ZNF276: variants seen among roughly 807,000 people sequenced by gnomAD.
ZNF276 encodes zinc finger protein 276.
Under a neutral mutation model 63.9 loss-of-function variants are expected in ZNF276, and 59 were observed. The ratio of observed to expected loss-of-function variants is 0.92; its 90% CI spans 0.75 to 1.15. The LOEUF is 1.15. ZNF276 is among the 50% of genes most tolerant of loss of function. ZNF276 has a pLI of 0.00. For synonymous variants in ZNF276, 496 were observed against 348.4 expected, an observed-to-expected ratio of 1.42 and a Z score of -4.72; for missense variants, 1,084 against 843.8, an observed-to-expected ratio of 1.28 and a Z score of -3.53.
chr16:89,739,604 T>C lies in ZNF276; in HGVS notation c.*1358T>C. ...CAACTCTGGACATCTCTGCCTATTATCAGTGCTGGGGACACCCCTGGGGGT... is the reference window on the plus strand; with the variant it reads ...CAACTCTGGACATCTCTGCCTATTACCAGTGCTGGGGACACCCCTGGGGGT... On this transcript the variant is annotated 3_prime_UTR_variant, in exon 11 of 11. Transcript: ENST00000443381. 1.9e-6 allele frequency: 3 copies of C among 1,540,950 alleles called. No individual in the cohort carries two copies. The highest frequency in any genetic ancestry group is 2.6e-6 in the Non-Finnish European group (3 of 1,138,218).
intron 6 of ZNF276, chr16:89,733,011 C>T (rs1472774043): frequency 1.1e-5 from 3 of 284,902 alleles, no homozygotes; most frequent in South Asian, 3.2e-5. Context: ...TGCGCCCTCG[C>T]CCTCTGCTGT....
chr16:89,735,331 T>C (rs1293248558), intron 9 of ZNF276, among the ~76,000 whole-genome samples: 2 of 152,136 alleles, frequency 1.3e-5, no homozygotes, highest in African/African-American at 2.4e-5. Context: ...TGTATATTGA[T>C]CCTTACACAC....
chr16:89,738,224 C>G lies in ZNF276; in HGVS notation c.1823C>G (p.Ala608Gly). 6.2e-7 allele frequency: 1 copy of G among 1,606,714 alleles called. No individual in the cohort carries two copies. Among genetic ancestry groups the G allele is most frequent in the South Asian group, 1.1e-5 (1 of 90,274 alleles). ...PSPSVTTEGQ[A>G]VKPEPT The stretch of plus-strand genomic sequence containing the variant: ...CCCTCTGTGACCACAGAGGGCCAGG[C>G]GGTGAAGCCCGAACCCACCTGAGGA... The change falls in exon 11 of 11, where the codon GCG (alanine) becomes GGG (glycine). Residue 608 changes from alanine (A) to glycine (G), a missense_variant. Physicochemically the swap from Ala to Gly is moderately conservative, Grantham distance 60. Transcript: ENST00000443381.
At chr16:89,735,160 C>CT (rs2061813881) in intron 9 of ZNF276, among the ~76,000 whole-genome samples, 1 of 151,930 alleles carries the variant, frequency 6.6e-6, no homozygotes, top group African/African-American at 2.4e-5. Context: ...ACCACGTGGA[C>CT]CCACATATCC....
At chr16:89,733,768 A>C (rs1243138653) in intron 8 of ZNF276, among the ~76,000 whole-genome samples, 153 bp from the exon 9 acceptor site, 1 of 152,042 alleles carries the variant, frequency 6.6e-6, no homozygotes, top group Non-Finnish European at 1.5e-5. Context: ...GGGGTCTAGA[A>C]GTTTCTTGGA....
At chr16:89,722,214 C>T (rs1369229522) in intron 1 of ZNF276, among the ~76,000 whole-genome samples, 10 of 152,186 alleles carry the variant, frequency 6.6e-5, no homozygotes, top group Non-Finnish European at 1.5e-5. Flanking sequence ...GAAACCGCGG[C>T]GTTTCCTGGA....
Position 89,739,916 on chromosome 16 carries a change from G to A in ZNF276, c.*1670G>A, listed in dbSNP as rs961309933. On this transcript the variant is annotated 3_prime_UTR_variant, in exon 11 of 11. Transcript: ENST00000443381. ...TACTTAGCAAGGAACCTCAAGGAGG[G>A]CTCGTTCTTAACCATTTGCAAGATG... 13 of 1,595,310 alleles carry A rather than the reference G, an allele frequency of 8.1e-6. 1 individual carries two copies. The Admixed American group carries it at 1.7e-4, about 21-fold the overall frequency.
rs148047906 is a variant in ZNF276, at chr16:89,733,403, G to A, written c.1271G>A (p.Arg424His). ...AAGCCCGGATGGAAGAAGAAGCTTCGTTGTGAGAGGTGATGCCTGCAACGC... is the reference window on the plus strand; with the variant it reads ...AAGCCCGGATGGAAGAAGAAGCTTCATTGTGAGAGGTGATGCCTGCAACGC... ...GPKPGWKKKL[R>H]CEREELPTIY... Residue 424 changes from arginine (R) to histidine (H), a missense_variant, in exon 7 of 11, where the codon CGT becomes CAT. Arg to His is a conservative substitution (Grantham distance 29, BLOSUM62 0). Transcript: ENST00000443381. 43 of 1,614,050 alleles carry A rather than the reference G, an allele frequency of 2.7e-5. No individual in the cohort carries two copies. Among genetic ancestry groups the A allele is most frequent in the African/African-American group, 2.0e-4 (15 of 74,946 alleles).
chr16:89,740,909 T>C lies in ZNF276; in HGVS notation c.*2663T>C. 1 of 1,523,532 alleles carries C rather than the reference T, an allele frequency of 6.6e-7. No individual in the cohort carries two copies. Among genetic ancestry groups the C allele is most frequent in the Non-Finnish European group, 9.0e-7 (1 of 1,110,064 alleles). 94.4% of individuals were successfully genotyped at this position (1,523,532 alleles called of 1,614,324 possible). ...CACTTATTATTACATTAAAATTACC[T>C]GTGCTGTCATTCTAAATAAGGCTGA... On this transcript the variant is annotated 3_prime_UTR_variant, in exon 11 of 11. Coordinates refer to ENST00000443381, the MANE Select transcript of ZNF276 (RefSeq NM_001113525.2).
Position 89,722,659 on chromosome 16 carries a change from G to A in ZNF276, c.334G>A (p.Val112Met), listed in dbSNP as rs979535399. The A allele has an allele frequency of 1.9e-6, 3 of 1,612,282 alleles. No individual in the cohort carries two copies. Among genetic ancestry groups the A allele is most frequent in the Non-Finnish European group, 2.5e-6 (3 of 1,180,020 alleles). Residue 112 changes from valine to methionine, a missense_variant, in exon 2 of 11, where the codon GTG becomes ATG. By Grantham distance (21) the Val-to-Met change is conservative (BLOSUM62 1). Transcript: ENST00000443381. ...GGAGAGGCCATCCGCAGAGGAGCGC[G>A]TGCTCGTACGGGACTTCCAGCGCCT... The part of the protein sequence containing the change: ...SMERPSAEER[V>M]LVRDFQRLLG...
At chr16:89,725,592 C>A (rs1328226973) in intron 4 of ZNF276, among the ~76,000 whole-genome samples, 1 of 151,848 alleles carries the variant, frequency 6.6e-6, no homozygotes, top group Non-Finnish European at 1.5e-5. Context: ...GAGATCGAGA[C>A]CATCCTGACT....
At chr16:89,735,594 G>A (rs1369042730) in intron 9 of ZNF276, among the ~76,000 whole-genome samples, 7 of 152,130 alleles carry the variant, frequency 4.6e-5, no homozygotes, top group African/African-American at 1.4e-4. Context: ...AAATTGGGCC[G>A]GGTGCAGTGG....
chr16:89,726,476 A>C (rs2061474559), intron 4 of ZNF276, among the ~76,000 whole-genome samples: 1 of 152,038 alleles, frequency 6.6e-6, no homozygotes, highest in Non-Finnish European at 1.5e-5. Flanking sequence ...AATTGCAGGC[A>C]TGAGTTACCA....
At chr16:89,724,131 G>C (rs139231287) in intron 4 of ZNF276, among the ~76,000 whole-genome samples, 5 of 152,244 alleles carry the variant, frequency 3.3e-5, no homozygotes, top group African/African-American at 1.2e-4. Flanking sequence ...CCAGCCGCCT[G>C]GTGACACCCT....
intron 9 of ZNF276, among the ~76,000 whole-genome samples, chr16:89,735,066 G>C (rs968473434): frequency 6.6e-6 from 1 of 151,964 alleles, no homozygotes; most frequent in Non-Finnish European, 1.5e-5. Context: ...GGCGGAGGTG[G>C]AGGTTGCAGT....
rs775127852 is a variant in ZNF276 at position 89,737,862 on chromosome 16, C to G, written c.1531C>G (p.Leu511Val). 5 of 1,614,200 alleles carry G rather than the reference C, an allele frequency of 3.1e-6. No homozygotes were observed. Among genetic ancestry groups the G allele is most frequent in the Non-Finnish European group, 4.2e-6 (5 of 1,180,054 alleles). ...ACAAACCTTCAAGCAGCGGAAGCAC[C>G]TTCTCGTCCACCAAATGCGACATTC... ...CGQTFKQRKH[L>V]LVHQMRHSGA... is the part of the protein sequence containing the mutation. Residue 511 changes from leucine to valine, a missense_variant, in exon 10 of 11, where the codon CTT (leucine) becomes GTT (valine). By Grantham distance (32) the Leu-to-Val change is conservative. Coordinates refer to ENST00000443381, the MANE Select transcript of ZNF276 (RefSeq NM_001113525.2).
At position 89,738,111 on chromosome 16, in the gene ZNF276, T is replaced by A; in HGVS notation, c.1710T>A (p.Asn570Lys). 6.2e-7 allele frequency: 1 copy of A among 1,613,920 alleles called. No homozygotes were observed. Residue 570 changes from asparagine to lysine, a missense_variant, in exon 11 of 11, where the codon AAT (asparagine) becomes AAA (lysine). Coordinates refer to ENST00000443381, the MANE Select transcript of ZNF276 (RefSeq NM_001113525.2). ...GRRFEKAHNL[N>K]VHMSMVHPLT... ...GGTTTGAGAAGGCCCACAACCTCAATGTACACATGTCCATGGTGCACCCGC... is the reference window on the plus strand; with the variant it reads ...GGTTTGAGAAGGCCCACAACCTCAAAGTACACATGTCCATGGTGCACCCGC...
At chr16:89,729,130 A>C in intron 5 of ZNF276, 105 bp from the exon 6 acceptor site, 1 of 893,892 alleles carries the variant, frequency 1.1e-6, no homozygotes, top group Non-Finnish European at 1.8e-6. Flanking sequence ...AAGAACTCAA[A>C]TGTGGGACAT....
chr16:89,734,993 T>C (rs2061805794), intron 9 of ZNF276, among the ~76,000 whole-genome samples: 1 of 152,146 alleles, frequency 6.6e-6, no homozygotes, highest in Non-Finnish European at 1.5e-5. Flanking sequence ...ACCTGGTCTC[T>C]ACTAAAAATA....
Sources: gnomAD v4.1 joint callset for allele counts (sites outside exome capture counted in the v4.1 genomes callset) on GRCh38, gnomAD v4.1.1 for gene constraint, MANE v1.5 for transcripts, NCBI Gene and HGNC (gene_info 2026-07-23, HGNC 2026-07-21) for gene names.